ZFP2: variants seen among roughly 807,000 people sequenced by gnomAD.
ZFP2 encodes the protein ZFP2 zinc finger protein.
In ZFP2, 33 loss-of-function variants were observed where a neutral mutation model predicts 36.1. That is an observed-to-expected ratio of 0.92 (90% CI 0.69 to 1.22). ZFP2 has a LOEUF of 1.22. ZFP2 is among the 50% of genes most tolerant of loss of function. The pLI is 0.00. For synonymous variants in ZFP2, 170 were observed against 178.0 expected (o/e 0.96, Z 0.36); for missense variants, 522 against 551.4 (o/e 0.95, Z 0.53).
rs75444139 is a variant in ZFP2, at chr5:178,912,670, C to T, written c.-363C>T. ...AAGCAGATTCTGCTCAGAGGATGAC[C>T]GTGTATGGGGAGGTGATGCTGGAGA... On this transcript the variant is annotated 5_prime_UTR_variant, in exon 2 of 5. Transcript: ENST00000361362. 7.3e-5 allele frequency: 78 copies of T among 1,062,588 alleles called. No homozygotes were observed. In the East Asian group the frequency reaches 5.8e-3, roughly 79 times the overall value. 65.8% of individuals were successfully genotyped at this position (1,062,588 alleles called of 1,614,324 possible). A position where few individuals can be genotyped will look rare whatever the true frequency, so the allele number is the denominator to read the frequency against.
chr5:178,919,178 C>A (rs531804925), intron 4 of ZFP2, among the ~76,000 whole-genome samples: 1 of 150,784 alleles, frequency 6.6e-6, no homozygotes, highest in South Asian at 2.1e-4. Flanking sequence ...TTTTTGAACA[C>A]GAATGGATGA....
At chr5:178,915,505 G>C (rs1397384603) in intron 3 of ZFP2, among the ~76,000 whole-genome samples, 1 of 151,486 alleles carries the variant, frequency 6.6e-6, no homozygotes, top group Non-Finnish European at 1.5e-5. Context: ...GTAGAGACAG[G>C]GTTTCACTGT....
Position 178,932,119 on chromosome 5 carries a change from C to T in ZFP2, c.806C>T (p.Pro269Leu). Reference protein sequence around the residue: ...VHQRSHTGEKPYECSQCGKAF... With the variant: ...VHQRSHTGEKLYECSQCGKAF... ...CAGAGAAGCCATACTGGAGAAAAAC[C>T]CTATGAGTGTAGTCAATGTGGAAAA... The change falls in exon 5 of 5, where the codon CCC becomes CTC. Residue 269 changes from proline to leucine, a missense_variant. Transcript: ENST00000361362. 6.2e-7 allele frequency: 1 copy of T among 1,612,818 alleles called. No individual in the cohort carries two copies. Among genetic ancestry groups the T allele is most frequent in the Non-Finnish European group, 8.5e-7 (1 of 1,179,070 alleles).
At chr5:178,906,147 A>G (rs560542635) in intron 1 of ZFP2, among the ~76,000 whole-genome samples, 2 of 152,318 alleles carry the variant, frequency 1.3e-5, no homozygotes, top group East Asian at 1.9e-4. Flanking sequence ...ATTTCACAAT[A>G]GAAGCTCTGC....
In ZFP2 at chr5:178,932,417, C is replaced by T. The variant is rs779510175; in HGVS notation, c.1104C>T (p.Ser368=). The change falls in exon 5 of 5, where the codon TCC becomes TCT. Residue 368 remains serine (S), a synonymous_variant. Coordinates refer to ENST00000361362, the MANE Select transcript of ZFP2 (RefSeq NM_030613.4). ...VCGKHFTGRS[S]LTVHQVIHTG... Reference sequence around the variant, plus strand: ...GAAAACATTTCACTGGACGATCATCCCTTACCGTGCATCAGGTCATTCACA... The same window carrying T: ...GAAAACATTTCACTGGACGATCATCTCTTACCGTGCATCAGGTCATTCACA... 2 of 1,613,906 alleles carry T rather than the reference C, an allele frequency of 1.2e-6. No individual in the cohort carries two copies. Among genetic ancestry groups the T allele is most frequent in the Non-Finnish European group, 1.7e-6 (2 of 1,180,000 alleles).
At position 178,909,928 on chromosome 5, in the gene ZFP2, G is replaced by C. The variant is rs191198894; in HGVS notation, c.-449-2656G>C. On this transcript the variant is annotated intron_variant, in intron 1 of 4. Coordinates refer to ENST00000361362, the MANE Select transcript of ZFP2 (RefSeq NM_030613.4). ...CGGGAGATGCCCTTGATCCTCAAGG[G>C]GTTCTCTGTTAGGAAGTTCAGCCAT... is the stretch of plus-strand genomic sequence containing the variant. 1.1e-4 allele frequency: 159 copies of C among 1,468,098 alleles called. No individual in the cohort carries two copies. In the African/African-American group the frequency reaches 1.8e-3, roughly 16 times the overall value. 90.9% of individuals were successfully genotyped at this position (1,468,098 alleles called of 1,614,324 possible).
chr5:178,918,428 C>T (rs1362767230), intron 4 of ZFP2, among the ~76,000 whole-genome samples: 2 of 152,094 alleles, frequency 1.3e-5, no homozygotes, highest in African/African-American at 4.8e-5. Context: ...ATCAACTTGC[C>T]CTTTTCAAGA....
chr5:178,896,444 G>A (rs1013058256), intron 1 of ZFP2, among the ~76,000 whole-genome samples: 2 of 152,184 alleles, frequency 1.3e-5, no homozygotes, highest in Non-Finnish European at 2.9e-5. Context: ...GGGGATTCTG[G>A]GCCAGAGGCT....
rs754540529 is a variant in ZFP2 at position 178,931,302 on chromosome 5, C to A, written c.-12C>A. 3.8e-5 allele frequency: 59 copies of A among 1,572,016 alleles called. No homozygotes were observed. Among genetic ancestry groups the A allele is most frequent in the Non-Finnish European group, 4.5e-5 (52 of 1,161,728 alleles). ...GCCGGGTATTACTGAAGATTTATGCCATGGGGTAACAATGGAAAGGGAAGG... is the reference window on the plus strand; with the variant it reads ...GCCGGGTATTACTGAAGATTTATGCAATGGGGTAACAATGGAAAGGGAAGG... On this transcript the variant is annotated 5_prime_UTR_variant, in exon 5 of 5. Transcript: ENST00000361362.
At chr5:178,913,338 C>A (rs1758341807) in intron 3 of ZFP2, among the ~76,000 whole-genome samples, 1 of 152,310 alleles carries the variant, frequency 6.6e-6, no homozygotes, top group South Asian at 2.1e-4. Flanking sequence ...ATGTTAGCAA[C>A]CACTATGTCC....
Position 178,931,640 on chromosome 5 carries a change from A to T in ZFP2, c.327A>T (p.Lys109Asn). 1 of 1,614,176 alleles carries T rather than the reference A, an allele frequency of 6.2e-7. No individual in the cohort carries two copies. The highest frequency in any genetic ancestry group is 8.5e-7 in the Non-Finnish European group (1 of 1,180,032). The change falls in exon 5 of 5, where the codon AAA becomes AAT. Residue 109 changes from lysine to asparagine, a missense_variant. Lys to Asn is a moderately conservative substitution (Grantham distance 94). Transcript: ENST00000361362. ...TCTATGAATGTAATCAGTGCAGCAA[A>T]ACCTTCAGTCAGAGCTCATCCCTTC... ...KKIYECNQCS[K>N]TFSQSSSLLK...
At chr5:178,931,192 C>T in intron 4 of ZFP2, 45 bp from the exon 5 acceptor site, 1 of 1,478,472 alleles carries the variant, frequency 6.8e-7, no homozygotes, top group Non-Finnish European at 8.9e-7. Context: ...TTCCAGTCTC[C>T]TAGCACAGAA....
At chr5:178,914,928 G>C (rs532642185) in intron 3 of ZFP2, among the ~76,000 whole-genome samples, 1 of 152,302 alleles carries the variant, frequency 6.6e-6, no homozygotes, top group South Asian at 2.1e-4. Context: ...AGGGGAGTGT[G>C]CTAGCAGATA....
intron 4 of ZFP2, among the ~76,000 whole-genome samples, chr5:178,918,910 C>T (rs1758492770): frequency 6.6e-6 from 1 of 152,166 alleles, no homozygotes; most frequent in Non-Finnish European, 1.5e-5. Context: ...CTGACCTATA[C>T]TGCTCAGGCT....
chr5:178,912,262 C>T lies in ZFP2; in HGVS notation c.-449-322C>T, dbSNP rs569730581. The stretch of plus-strand genomic sequence containing the variant: ...TGTCCTGTGTTTGGTCATCATGTAC[C>T]ATTTGGGGCAGGGATTCCTTCCTTC... On this transcript the variant is annotated intron_variant, in intron 1 of 4. Transcript: ENST00000361362. Among the ~76,000 whole-genome samples, 12 of 152,266 alleles carry T rather than the reference C, an allele frequency of 7.9e-5. No individual in the cohort carries two copies. In the East Asian group the frequency reaches 9.7e-4, roughly 12 times the overall value.
intron 4 of ZFP2, among the ~76,000 whole-genome samples, chr5:178,925,959 C>T: frequency 6.7e-6 from 1 of 148,916 alleles, no homozygotes; most frequent in South Asian, 2.1e-4. Context: ...GCGATCCTCC[C>T]ACCTCAGCCT....
chr5:178,899,367 A>G (rs1016623567), intron 1 of ZFP2, among the ~76,000 whole-genome samples: 9 of 152,228 alleles, frequency 5.9e-5, no homozygotes, highest in Non-Finnish European at 1.0e-4. Context: ...AAATAAAATA[A>G]TAAAAGTAAA....
intron 1 of ZFP2, among the ~76,000 whole-genome samples, chr5:178,896,520 A>T (rs977853122): frequency 2.6e-5 from 4 of 152,162 alleles, no homozygotes; most frequent in Non-Finnish European, 5.9e-5. Flanking sequence ...TCTGGATCTC[A>T]TTCCGAGAGC....
chr5:178,916,686 C>T lies in ZFP2; in HGVS notation c.-102C>T. On this transcript the variant is annotated 5_prime_UTR_variant, in exon 4 of 5. Transcript: ENST00000361362. ...CAGCTCTTCCACAGCCAGCATCTCA[C>T]TTACTTGACACAAAACATCTATAGG... The T allele has an allele frequency of 1.0e-6, 1 of 985,446 alleles. No homozygotes were observed. Among genetic ancestry groups the T allele is most frequent in the South Asian group, 4.7e-5 (1 of 21,286 alleles). 61.0% of individuals were successfully genotyped at this position (985,446 alleles called of 1,614,324 possible).
Sources: gnomAD v4.1 joint callset for allele counts (sites outside exome capture counted in the v4.1 genomes callset) on GRCh38, gnomAD v4.1.1 for gene constraint, MANE v1.5 for transcripts, NCBI Gene and HGNC (gene_info 2026-07-23, HGNC 2026-07-21) for gene names.